Variants in C1orf159 observed in about 807,000 individuals in gnomAD.
C1orf159 encodes the protein uncharacterized protein C1orf159.
A neutral mutation model predicts 25.6 loss-of-function variants in C1orf159; 19 were observed. That is an observed-to-expected ratio of 0.74 (90% CI 0.52 to 1.09). The LOEUF is 1.09. Ranked by LOEUF, C1orf159 falls within the 50% of genes least tolerant of loss-of-function variation. The probability of loss-of-function intolerance (pLI) is 0.00; values close to 1 mark genes in which losing one functional copy is unlikely to be tolerated. For synonymous variants in C1orf159, 139 were observed against 124.7 expected (o/e 1.12, Z -0.77); for missense variants, 274 against 290.6 (o/e 0.94, Z 0.42).
intron 9 of C1orf159, chr1:1,083,865 C>T: frequency 6.7e-7 from 1 of 1,486,738 alleles, no homozygotes; most frequent in Non-Finnish European, 9.2e-7. Flanking sequence ...TGGCTGTGCG[C>T]CGGTCACTCA....
At chr1:1,111,573 TG>T (rs1215016694) in intron 1 of C1orf159, among the ~76,000 whole-genome samples, 2 of 152,110 alleles carry the variant, frequency 1.3e-5, no homozygotes, top group Non-Finnish European at 1.5e-5. Context: ...AAAAAAATGA[TG>T]CCTCAGGTCA....
At chr1:1,094,591 G>A (rs556991576) in intron 1 of C1orf159, among the ~76,000 whole-genome samples, 16 of 152,126 alleles carry the variant, frequency 1.1e-4, no homozygotes, top group African/African-American at 3.4e-4. Context: ...TAGTAGAGAC[G>A]GGGTTGCACC....
At chr1:1,083,059 C>G in intron 9 of C1orf159, 72 bp from the exon 10 acceptor site, 1 of 1,315,574 alleles carries the variant, frequency 7.6e-7, no homozygotes, top group South Asian at 1.4e-5. Context: ...CCTCAGCCCT[C>G]ACCGGAGGCT....
In C1orf159 at chr1:1,111,770, C is replaced by G. The variant is rs550235594; in HGVS notation, c.-136+4290G>C. 8.5e-5 allele frequency among the ~76,000 whole-genome samples: 13 copies of G among 152,250 alleles called. No individual in the cohort carries two copies. In the East Asian group the frequency reaches 2.3e-3, roughly 27 times the overall value. On this transcript the variant is annotated intron_variant, in intron 1 of 9. Transcript: ENST00000421241. ...GCTGCTGAACCTCGGTAAACACAGC[C>G]CCGAGGGCTGGCTGGAGCTTCCACT...
rs1022757594 is a variant in C1orf159, at chr1:1,087,960, G to C, written c.149-363C>G. ...TCCACGCCGAGCACCCCGGCCCTGAGCACCCCGACCCTGAGTACTCCACAC... is the reference window on the plus strand; with the variant it reads ...TCCACGCCGAGCACCCCGGCCCTGACCACCCCGACCCTGAGTACTCCACAC... On this transcript the variant is annotated intron_variant, in intron 4 of 9. Transcript: ENST00000421241. This position sits in a 1 kb window ranked among gnomAD's most constrained non-coding sequence, Gnocchi z 8.3. Among the ~76,000 whole-genome samples, 2 of 151,558 alleles carry C rather than the reference G, an allele frequency of 1.3e-5. No homozygotes were observed. Among genetic ancestry groups the C allele is most frequent in the African/African-American group, 4.9e-5 (2 of 41,172 alleles).
At chr1:1,085,762 C>T (rs1184658580) in intron 7 of C1orf159, 116 bp downstream of exon 7, 2 of 1,357,624 alleles carry the variant, frequency 1.5e-6, no homozygotes, top group Admixed American at 2.3e-5. Context: ...CCTGCTCCCT[C>T]CCGGCCTCTG....
chr1:1,113,998 C>G (rs1646299436), intron 1 of C1orf159, among the ~76,000 whole-genome samples: 1 of 149,014 alleles, frequency 6.7e-6, no homozygotes, highest in Non-Finnish European at 1.5e-5. Flanking sequence ...CTCACTGCAA[C>G]CTCCGCCTCC....
chr1:1,083,799 C>T, intron 9 of C1orf159: 3 of 950,270 alleles, frequency 3.2e-6, no homozygotes, highest in Non-Finnish European at 4.8e-6. Context: ...CCATGACAGA[C>T]TTCTGCACAG....
intron 1 of C1orf159, among the ~76,000 whole-genome samples, chr1:1,108,817 C>T (rs1450254541): frequency 1.8e-5 from 2 of 112,698 alleles, no homozygotes; most frequent in Non-Finnish European, 3.4e-5. Flanking sequence ...ATGTCTGCAG[C>T]AGCATTGTTC....
At position 1,110,940 on chromosome 1, in the gene C1orf159, C is replaced by T. The variant is rs540900075; in HGVS notation, c.-136+5120G>A. 1.1e-4 allele frequency among the ~76,000 whole-genome samples: 16 copies of T among 152,350 alleles called. No individual in the cohort carries two copies. The South Asian group carries it at 2.9e-3, about 28-fold the overall frequency. On this transcript the variant is annotated intron_variant, in intron 1 of 9. Coordinates refer to ENST00000421241, the MANE Select transcript of C1orf159 (RefSeq NM_017891.5). This position sits in a 1 kb window ranked among gnomAD's most constrained non-coding sequence, Gnocchi z 4.8. ...CAGCGCTCCTGTCTGGCGCGGCAGG[C>T]GGGCGCTGGAGCAGCCTGCGAGGCA...
intron 1 of C1orf159, among the ~76,000 whole-genome samples, chr1:1,109,183 G>A (rs1646224354): frequency 6.6e-6 from 1 of 152,328 alleles, no homozygotes; most frequent in South Asian, 2.1e-4. Context: ...TACAGACCGT[G>A]GAATATTCTA....
intron 1 of C1orf159, among the ~76,000 whole-genome samples, chr1:1,102,445 T>C (rs1646114433): frequency 6.6e-6 from 1 of 151,336 alleles, no homozygotes; most frequent in Non-Finnish European, 1.5e-5. Context: ...CTATTTTCTC[T>C]GTTATTTCCC....
intron 3 of C1orf159, chr1:1,091,160 C>T (rs1214918055): frequency 1.3e-5 from 8 of 622,376 alleles, no homozygotes; most frequent in African/African-American, 7.4e-5. Context: ...CTACACTCCC[C>T]GATAGCGATG....
Position 1,084,333 on chromosome 1 carries a change from G to A in C1orf159, c.502+20C>T. On this transcript the variant is annotated intron_variant, in intron 9 of 9. Coordinates refer to ENST00000421241, the MANE Select transcript of C1orf159 (RefSeq NM_017891.5). Reference sequence around the variant, plus strand: ...CCAGAGATGGGAAACCCCACAGGGGGATGCGACAGCTGCTGTTACCTGAGG... The same window carrying A: ...CCAGAGATGGGAAACCCCACAGGGGAATGCGACAGCTGCTGTTACCTGAGG... 6.5e-7 allele frequency: 1 copy of A among 1,538,196 alleles called. No individual in the cohort carries two copies. Among genetic ancestry groups the A allele is most frequent in the Non-Finnish European group, 8.8e-7 (1 of 1,142,352 alleles).
intron 3 of C1orf159, 31 bp downstream of exon 3, chr1:1,091,441 G>A: frequency 1.3e-6 from 2 of 1,543,446 alleles, no homozygotes; most frequent in South Asian, 1.2e-5. Flanking sequence ...CTCTGGCTTA[G>A]GCCGCGTGGA....
chr1:1,095,001 G>A lies in C1orf159; in HGVS notation c.-135-2898C>T, dbSNP rs79223395. On this transcript the variant is annotated intron_variant, in intron 1 of 9. Coordinates refer to ENST00000421241, the MANE Select transcript of C1orf159 (RefSeq NM_017891.5). ...GACTTTTCTTTCCATGTGGAATTAC[G>A]TTGACATCTTCATTGAAAATCAATG... Among the ~76,000 whole-genome samples, 497 of 152,264 alleles carry A rather than the reference G, an allele frequency of 3.3e-3. 2 individuals are homozygous for A. The highest frequency in any genetic ancestry group is 0.012 in the African/African-American group (479 of 41,536).
intron 1 of C1orf159, among the ~76,000 whole-genome samples, chr1:1,099,241 C>CAG (rs749745654): frequency 3.7e-5 from 3 of 80,430 alleles, no homozygotes; most frequent in South Asian, 3.8e-4. Context: ...TTCTAAGAAT[C>CAG]AGAGAGAGAG....
chr1:1,110,840 C>T lies in C1orf159; in HGVS notation c.-136+5220G>A, dbSNP rs1337490656. 6.6e-6 allele frequency among the ~76,000 whole-genome samples: 1 copy of T among 152,240 alleles called. No homozygotes were observed. Among genetic ancestry groups the T allele is most frequent in the Non-Finnish European group, 1.5e-5 (1 of 68,034 alleles). On this transcript the variant is annotated intron_variant, in intron 1 of 9. Transcript: ENST00000421241. This position sits in a 1 kb window ranked among gnomAD's most constrained non-coding sequence, Gnocchi z 4.8. The stretch of plus-strand genomic sequence containing the variant: ...TCAGAGGAAGCTCAACAACAGTTCT[C>T]TGCGTGAGCCGTGGCAGACGCAAAA...
chr1:1,091,069 G>A (rs532144713), intron 3 of C1orf159: 119 of 1,165,808 alleles, frequency 1.0e-4, no homozygotes, highest in African/African-American at 3.5e-4. Flanking sequence ...GCCCAGGTCC[G>A]GTCCCTCAAA....
Sources: allele counts gnomAD v4.1 joint callset (sites outside exome capture counted in the v4.1 genomes callset), GRCh38; gene constraint gnomAD v4.1.1; non-coding constraint Gnocchi (gnomAD v3.1); transcripts MANE v1.5; gene names NCBI Gene and HGNC (gene_info 2026-07-23, HGNC 2026-07-21).